Variants in RNF180 observed in about 807,000 individuals in gnomAD.
The protein encoded by RNF180 is ring finger protein 180, also known as E3 ubiquitin-protein ligase RNF180.
In RNF180, 38 loss-of-function variants were observed where a neutral mutation model predicts 59.2. The observed-to-expected ratio is 0.64, with a 90% CI of 0.50 to 0.84. The LOEUF (loss-of-function observed/expected upper bound fraction) is 0.84. Ranked by LOEUF, RNF180 falls within the 40% of genes least tolerant of loss-of-function variation. The pLI is 0.00. For synonymous variants in RNF180, 262 were observed against 240.3 expected (o/e 1.09, Z -0.84); for missense variants, 705 against 700.9 (o/e 1.01, Z -0.07).
chr5:64,346,024 A>G (rs1052370302), intron 7 of RNF180, among the ~76,000 whole-genome samples: 1 of 152,086 alleles, frequency 6.6e-6, no homozygotes, highest in Non-Finnish European at 1.5e-5. Flanking sequence ...AATTTCTCAG[A>G]TTAATTTCAA....
chr5:64,205,088 A>T (rs1021054625), intron 2 of RNF180, among the ~76,000 whole-genome samples: 4 of 152,180 alleles, frequency 2.6e-5, no homozygotes, highest in Admixed American at 1.3e-4. Context: ...TAGGAACTGG[A>T]CACTAGAATT....
In RNF180 at chr5:64,233,757, T is replaced by C. The variant is rs371668977; in HGVS notation, c.1227+16361T>C. On this transcript the variant is annotated intron_variant, in intron 5 of 7. Transcript: ENST00000389100. ...TGGGGACTTGCCCCAGATTCTTTCT[T>C]GTGCGAGGTCCATTTAAAAGAAAAA... Among the ~76,000 whole-genome samples the C allele has an allele frequency of 2.6e-5, 4 of 152,342 alleles. No homozygotes were observed. The East Asian group carries it at 7.7e-4, about 29-fold the overall frequency.
intron 7 of RNF180, among the ~76,000 whole-genome samples, chr5:64,340,112 C>T (rs1745300548): frequency 6.6e-6 from 1 of 151,996 alleles, no homozygotes; most frequent in Admixed American, 6.6e-5. Context: ...TTAATTTATT[C>T]CCTGAAAAAC....
chr5:64,275,637 C>T (rs954149165), intron 5 of RNF180, among the ~76,000 whole-genome samples: 5 of 151,818 alleles, frequency 3.3e-5, no homozygotes, highest in African/African-American at 1.2e-4. Flanking sequence ...GAGGTAGAAA[C>T]TAAGTCTTAA....
chr5:64,237,237 G>A (rs1201342403), intron 5 of RNF180, among the ~76,000 whole-genome samples: 1 of 152,238 alleles, frequency 6.6e-6, no homozygotes, highest in African/African-American at 2.4e-5. Context: ...AAGGCTGTGG[G>A]AGCCCACTCA....
chr5:64,168,791 A>G (rs1749784058), intron 1 of RNF180, among the ~76,000 whole-genome samples: 1 of 152,230 alleles, frequency 6.6e-6, no homozygotes. Flanking sequence ...TTGTGTGTGC[A>G]ACAGACTTTC....
chr5:64,349,456 G>T (rs1200898550), intron 7 of RNF180, among the ~76,000 whole-genome samples: 1 of 145,242 alleles, frequency 6.9e-6, no homozygotes, highest in Admixed American at 6.9e-5. Flanking sequence ...TATACTTTAA[G>T]TTCTAGGGTA....
intron 5 of RNF180, among the ~76,000 whole-genome samples, chr5:64,248,782 TTCTATAAA>T (rs1250795900): frequency 6.6e-6 from 1 of 152,170 alleles, no homozygotes; most frequent in Non-Finnish European, 1.5e-5. Context: ...TTATAAATCA[TTCTATAAA>T]GACACATGCA....
chr5:64,313,085 C>T (rs143387509), intron 5 of RNF180, among the ~76,000 whole-genome samples: 2 of 151,984 alleles, frequency 1.3e-5, no homozygotes, highest in African/African-American at 4.8e-5. Flanking sequence ...GAGATAGGAC[C>T]CAAGTCTAAA....
intron 1 of RNF180, among the ~76,000 whole-genome samples, chr5:64,187,376 A>G (rs1750923926): frequency 6.6e-6 from 1 of 152,192 alleles, no homozygotes; most frequent in Non-Finnish European, 1.5e-5. Context: ...AGTAGAAATA[A>G]GGAAGGTGAG....
At chr5:64,280,025 A>G (rs1741928638) in intron 5 of RNF180, among the ~76,000 whole-genome samples, 1 of 152,184 alleles carries the variant, frequency 6.6e-6, no homozygotes, top group Non-Finnish European at 1.5e-5. Context: ...TCACCTATGT[A>G]TATATGAGAT....
At chr5:64,349,554 A>G (rs1745700881) in intron 7 of RNF180, among the ~76,000 whole-genome samples, 3 of 151,940 alleles carry the variant, frequency 2.0e-5, no homozygotes, top group Admixed American at 1.3e-4. Context: ...TACATTAGGT[A>G]TATCTCCTAA....
intron 1 of RNF180, among the ~76,000 whole-genome samples, chr5:64,179,155 C>A (rs1750432216): frequency 6.6e-6 from 1 of 152,056 alleles, no homozygotes; most frequent in African/African-American, 2.4e-5. Flanking sequence ...TTCATATTCA[C>A]AAATACTTAT....
At chr5:64,177,620 A>C (rs1186999117) in intron 1 of RNF180, among the ~76,000 whole-genome samples, 3 of 147,312 alleles carry the variant, frequency 2.0e-5, no homozygotes, top group Non-Finnish European at 3.0e-5. Context: ...GGTTAATAGC[A>C]GTATATGTCA....
At chr5:64,250,910 G>A (rs898730213) in intron 5 of RNF180, among the ~76,000 whole-genome samples, 1 of 152,024 alleles carries the variant, frequency 6.6e-6, no homozygotes, top group African/African-American at 2.4e-5. Context: ...AATAAAAAGA[G>A]AAAACTACAG....
At chr5:64,206,871 C>CT (rs892010983) in intron 2 of RNF180, among the ~76,000 whole-genome samples, 1 of 152,154 alleles carries the variant, frequency 6.6e-6, no homozygotes, top group Non-Finnish European at 1.5e-5. Flanking sequence ...TGCTGGCACC[C>CT]TGATCTCAAA....
At chr5:64,359,667 T>C (rs1746168115) in intron 7 of RNF180, among the ~76,000 whole-genome samples, 1 of 151,684 alleles carries the variant, frequency 6.6e-6, no homozygotes, top group Non-Finnish European at 1.5e-5. Flanking sequence ...ATTTTGTCTT[T>C]TGTTGCCATT....
intron 1 of RNF180, among the ~76,000 whole-genome samples, chr5:64,172,947 T>C (rs1219322393): frequency 1.3e-5 from 2 of 152,236 alleles, no homozygotes. Flanking sequence ...CTGTTTAGAA[T>C]TCAGGGGACC....
Position 64,322,571 on chromosome 5 carries a change from GTA to G in RNF180, c.1228-2602_1228-2601del, listed in dbSNP as rs376743940. Among the ~76,000 whole-genome samples the G allele has an allele frequency of 5.2e-3, 763 of 146,124 alleles. 7 individuals carry two copies. Among genetic ancestry groups the G allele is most frequent in the Non-Finnish European group, 5.7e-3 (379 of 66,274 alleles). On this transcript the variant is annotated intron_variant, in intron 5 of 7. Coordinates refer to ENST00000389100, the MANE Select transcript of RNF180 (RefSeq NM_001113561.2). ...TATATGTGTGTATATATGTATACAC[GTA>G]TATATATATATAACGGAATATATAT...
Sources: gnomAD v4.1 joint callset for allele counts (sites outside exome capture counted in the v4.1 genomes callset) on GRCh38, gnomAD v4.1.1 for gene constraint, MANE v1.5 for transcripts, NCBI Gene and HGNC (gene_info 2026-07-23, HGNC 2026-07-21) for gene names.